Variants in HDAC4 observed in about 807,000 individuals in gnomAD.
HDAC4 encodes histone deacetylase A.
Under a neutral mutation model 135.1 loss-of-function variants are expected in HDAC4, and 16 were observed. The observed-to-expected ratio is 0.12, with a 90% CI of 0.08 to 0.18. HDAC4 has a LOEUF of 0.18. Among genes scored for constraint, HDAC4 ranks in the 10% least tolerant of loss-of-function variants. HDAC4 has a pLI of 1.00. For synonymous variants in HDAC4, 685 were observed against 653.4 expected, an observed-to-expected ratio of 1.05 and a Z score of -0.74; for missense variants, 1,143 against 1,511.8, an observed-to-expected ratio of 0.76 and a Z score of 4.05.
intron 7 of HDAC4, among the ~76,000 whole-genome samples, chr2:239,151,121 A>T (rs1167500543): frequency 6.6e-6 from 1 of 152,166 alleles, no homozygotes; most frequent in Non-Finnish European, 1.5e-5. Context: ...TGGAAAACAC[A>T]CTCTGTCCTA....
chr2:239,246,715 C>T (rs902861986), intron 2 of HDAC4, among the ~76,000 whole-genome samples: 2 of 152,240 alleles, frequency 1.3e-5, no homozygotes, highest in Non-Finnish European at 2.9e-5. Context: ...AGTAAGACAA[C>T]ACGGAGAGAC....
chr2:239,074,707 G>A (rs140131570), intron 22 of HDAC4, among the ~76,000 whole-genome samples: 4 of 152,302 alleles, frequency 2.6e-5, no homozygotes, highest in South Asian at 4.1e-4. Context: ...TTCAGCACCC[G>A]TTTGTGGCGC....
At chr2:239,117,241 G>C (rs1479080026) in intron 12 of HDAC4, among the ~76,000 whole-genome samples, 1 of 152,198 alleles carries the variant, frequency 6.6e-6, no homozygotes, top group Non-Finnish European at 1.5e-5. Flanking sequence ...CTGTGGGAAG[G>C]GCACTCTGGG....
At chr2:239,289,455 C>T (rs778876399) in intron 2 of HDAC4, among the ~76,000 whole-genome samples, 13 of 152,222 alleles carry the variant, frequency 8.5e-5, no homozygotes, top group Non-Finnish European at 1.8e-4. Context: ...GTTTCCAGAT[C>T]AAGGAAGTCG....
chr2:239,092,177 T>G (rs1450808237), intron 17 of HDAC4, among the ~76,000 whole-genome samples: 1 of 150,570 alleles, frequency 6.6e-6, no homozygotes, highest in Non-Finnish European at 1.5e-5. Flanking sequence ...AGGTCGAGGC[T>G]GCAGTTAGCC....
intron 2 of HDAC4, among the ~76,000 whole-genome samples, chr2:239,271,293 T>G (rs2050046252): frequency 6.6e-6 from 1 of 152,120 alleles, no homozygotes; most frequent in Non-Finnish European, 1.5e-5. Context: ...TTTATACTTT[T>G]AGTAGAGTAG....
At chr2:239,102,598 G>A (rs567791003) in intron 16 of HDAC4, 178 bp downstream of exon 16, 45 of 664,512 alleles carry the variant, frequency 6.8e-5, no homozygotes, top group African/African-American at 5.2e-4. Flanking sequence ...TACCTGGCAC[G>A]TTCATCAACA....
intron 2 of HDAC4, among the ~76,000 whole-genome samples, chr2:239,275,140 G>T (rs1461291183): frequency 6.6e-6 from 1 of 150,746 alleles, no homozygotes; most frequent in African/African-American, 2.5e-5. Flanking sequence ...GACGGGGATC[G>T]GGGGAAGAAA....
chr2:239,302,752 C>A (rs892506954), intron 2 of HDAC4, among the ~76,000 whole-genome samples: 1 of 152,260 alleles, frequency 6.6e-6, no homozygotes, highest in East Asian at 1.9e-4. Flanking sequence ...CGTGGGCGCA[C>A]CCCTGCAGGA....
intron 5 of HDAC4, among the ~76,000 whole-genome samples, chr2:239,175,916 A>G (rs923417574): frequency 1.3e-5 from 2 of 152,198 alleles, no homozygotes; most frequent in African/African-American, 4.8e-5. Context: ...GATGAAGATA[A>G]ATCCATGGAC....
At position 239,050,562 on chromosome 2, in the gene HDAC4, C is replaced by G. The variant is rs894566190; in HGVS notation, c.*2535G>C. 1 of 152,680 alleles carries G rather than the reference C, an allele frequency of 6.5e-6. No individual in the cohort carries two copies. The highest frequency in any genetic ancestry group is 1.5e-5 in the Non-Finnish European group (1 of 68,056). 9.5% of individuals were successfully genotyped at this position (152,680 alleles called of 1,614,324 possible). A position where few individuals can be genotyped will look rare whatever the true frequency, so the allele number is the denominator to read the frequency against. On this transcript the variant is annotated 3_prime_UTR_variant, in exon 27 of 27. Transcript: ENST00000543185. ...AAGACCGTTCTGCCTGCTCTCAAAC[C>G]ACTGTCTCAGAGCTGACCATCAGCA...
intron 2 of HDAC4, among the ~76,000 whole-genome samples, chr2:239,282,057 CCACCACTCTACACACAATGTATA>C (rs1559323531): frequency 7.2e-6 from 1 of 139,690 alleles, no homozygotes; most frequent in East Asian, 2.2e-4. Flanking sequence ...TACAATTTAC[CCACCACTCTACACACAATGTATA>C]CACCACTCTA....
At chr2:239,371,590 CACAA>C (rs141721542) in intron 1 of HDAC4, among the ~76,000 whole-genome samples, 2,785 of 152,248 alleles carry the variant, frequency 0.018, 59 homozygotes, top group East Asian at 0.12. Context: ...CACAGACATT[CACAA>C]ACACTCATGC....
chr2:239,066,198 C>T (rs2033455575), intron 24 of HDAC4, among the ~76,000 whole-genome samples: 1 of 152,208 alleles, frequency 6.6e-6, no homozygotes, highest in Non-Finnish European at 1.5e-5. Context: ...GTACAGACCA[C>T]AGCGTCTCTG....
intron 15 of HDAC4, among the ~76,000 whole-genome samples, chr2:239,105,505 A>G (rs1341390653): frequency 6.6e-6 from 1 of 152,180 alleles, no homozygotes; most frequent in Non-Finnish European, 1.5e-5. Flanking sequence ...ACTGGGAGCC[A>G]CGTCTTGCTG....
intron 2 of HDAC4, among the ~76,000 whole-genome samples, chr2:239,340,936 G>T (rs1222414365): frequency 6.6e-6 from 1 of 152,122 alleles, no homozygotes; most frequent in Non-Finnish European, 1.5e-5. Context: ...GCTCACTGCA[G>T]CACCCACTAA....
At chr2:239,392,607 C>T (rs943608706) in intron 1 of HDAC4, among the ~76,000 whole-genome samples, 5 of 152,320 alleles carry the variant, frequency 3.3e-5, no homozygotes, top group East Asian at 1.9e-4. Context: ...AGGCCATCTT[C>T]CCCTCCTTGT....
At position 239,176,641 on chromosome 2, in the gene HDAC4, A is replaced by G. The variant is rs1559182263; in HGVS notation, c.340-78T>C. On this transcript the variant is annotated intron_variant, in intron 4 of 26. Transcript: ENST00000543185. ...CAGAGACCCAATGAAGACCCAAGAAACCAGCCCAGGCCCTACACGTCTGCC... is the reference window on the plus strand; with the variant it reads ...CAGAGACCCAATGAAGACCCAAGAAGCCAGCCCAGGCCCTACACGTCTGCC... 10 of 1,393,104 alleles carry G rather than the reference A, an allele frequency of 7.2e-6. No homozygotes were observed. In the South Asian group the frequency reaches 8.2e-5, roughly 11 times the overall value. 86.3% of individuals were successfully genotyped at this position (1,393,104 alleles called of 1,614,324 possible).
In HDAC4 at chr2:239,174,627, TCAA is replaced by T. The variant is rs138599366; in HGVS notation, c.490+1783_490+1785del. On this transcript the variant is annotated intron_variant, in intron 5 of 26. Coordinates refer to ENST00000543185, the MANE Select transcript of HDAC4 (RefSeq NM_001378414.1). ...ACTGACAACATGCATGCCCCAAAGT[TCAA>T]CAACTCCACTTCACATTTGCCCACA... is the stretch of plus-strand genomic sequence containing the variant. 6.0e-3 allele frequency among the ~76,000 whole-genome samples: 917 copies of T among 152,212 alleles called. 3 individuals carry two copies. The highest frequency in any genetic ancestry group is 9.9e-3 in the Non-Finnish European group (675 of 67,996).
Sources: allele counts gnomAD v4.1 joint callset (sites outside exome capture counted in the v4.1 genomes callset), GRCh38; gene constraint gnomAD v4.1.1; transcripts MANE v1.5; gene names NCBI Gene and HGNC (gene_info 2026-07-23, HGNC 2026-07-21).